XPR1: variants seen among roughly 807,000 people sequenced by gnomAD.
The protein encoded by XPR1 is xenotropic and polytropic retrovirus receptor 1.
XPR1 carries 28 observed loss-of-function variants against 87.5 expected under a neutral mutation model. The observed-to-expected ratio is 0.32, with a 90% CI of 0.24 to 0.44. The LOEUF (loss-of-function observed/expected upper bound fraction) is 0.44, where lower values mean the gene tolerates loss of function less well. Among genes scored for constraint, XPR1 ranks in the 20% least tolerant of loss-of-function variants. The pLI, the probability that XPR1 is intolerant of heterozygous loss-of-function variation, is 1.00. For synonymous variants in XPR1, 300 were observed against 306.1 expected (o/e 0.98, Z 0.21); for missense variants, 559 against 862.3 (o/e 0.65, Z 4.41).
chr1:180,735,953 C>T (rs1368682919), intron 2 of XPR1, among the ~76,000 whole-genome samples: 3 of 152,078 alleles, frequency 2.0e-5, no homozygotes, highest in Non-Finnish European at 4.4e-5. Context: ...TCATGAGTAT[C>T]TATGAATACT....
At chr1:180,683,285 G>A (rs917629568) in intron 2 of XPR1, among the ~76,000 whole-genome samples, 2 of 152,122 alleles carry the variant, frequency 1.3e-5, no homozygotes, top group African/African-American at 4.8e-5. Context: ...ACCCTACAAA[G>A]GACATGAACT....
chr1:180,665,276 G>A (rs1655919395), intron 1 of XPR1, among the ~76,000 whole-genome samples: 2 of 152,136 alleles, frequency 1.3e-5, no homozygotes, highest in Admixed American at 6.5e-5. Flanking sequence ...GGGGAAAACC[G>A]CCGCCGTGAT....
intron 2 of XPR1, among the ~76,000 whole-genome samples, chr1:180,691,827 C>G (rs1170840322): frequency 1.3e-5 from 2 of 152,134 alleles, no homozygotes; most frequent in African/African-American, 4.8e-5. Context: ...CATGTCACCC[C>G]TGTCCCTAGA....
rs1334113687 is a variant in XPR1 at position 180,656,456 on chromosome 1, T to TATAATATATA, written c.69+24186_69+24187insATAATATATA. ...ATATTTATATATAAATATTTATATATTTATATATAATATTTATACATTATA... is the reference window on the plus strand; with the variant it reads ...ATATTTATATATAAATATTTATATATATAATATATATTATATATAATATTTATACATTATA... On this transcript the variant is annotated intron_variant, in intron 1 of 14. Coordinates refer to ENST00000367590, the MANE Select transcript of XPR1 (RefSeq NM_004736.4). 2.1e-3 allele frequency among the ~76,000 whole-genome samples: 7 copies of TATAATATATA among 3,348 alleles called. 2 individuals are homozygous for TATAATATATA. The highest frequency in any genetic ancestry group is 0.013 in the Admixed American group (2 of 160). The allele number at this position is 3,348 out of a possible 152,430, so 2.2% of individuals were successfully genotyped here. A position where few individuals can be genotyped will look rare whatever the true frequency, so the allele number is the denominator to read the frequency against.
intron 2 of XPR1, among the ~76,000 whole-genome samples, chr1:180,770,176 A>G (rs1648455853): frequency 6.6e-6 from 1 of 152,098 alleles, no homozygotes; most frequent in South Asian, 2.1e-4. Flanking sequence ...TCTTCTGAAA[A>G]TTTCCCTTTC....
intron 3 of XPR1, among the ~76,000 whole-genome samples, chr1:180,791,127 G>A (rs1043589378): frequency 1.6e-4 from 25 of 152,256 alleles, no homozygotes; most frequent in Middle Eastern, 3.4e-3. Flanking sequence ...AAGTTTATTA[G>A]CTTTTTTCTT....
At chr1:180,808,689 A>G (rs1558018421) in intron 6 of XPR1, among the ~76,000 whole-genome samples, 1 of 152,202 alleles carries the variant, frequency 6.6e-6, no homozygotes. Flanking sequence ...TTAGCATGTG[A>G]TAAAATGCTC....
At chr1:180,779,588 C>T (rs141007469) in intron 2 of XPR1, among the ~76,000 whole-genome samples, 118 of 151,544 alleles carry the variant, frequency 7.8e-4, no homozygotes, top group African/African-American at 2.7e-3. Context: ...AACATCATCT[C>T]TAGTAGAAAT....
intron 9 of XPR1, among the ~76,000 whole-genome samples, chr1:180,831,785 C>G (rs1024211915): frequency 1.1e-4 from 17 of 152,160 alleles, no homozygotes; most frequent in Admixed American, 7.2e-4. Flanking sequence ...TTTTCTTTAT[C>G]CAGTCTATCA....
chr1:180,720,570 T>C (rs1333233210), intron 2 of XPR1, among the ~76,000 whole-genome samples: 1 of 152,210 alleles, frequency 6.6e-6, no homozygotes, highest in Non-Finnish European at 1.5e-5. Context: ...AATATTATAA[T>C]TTAATATATT....
At chr1:180,784,951 A>G (rs1441525712) in intron 2 of XPR1, among the ~76,000 whole-genome samples, 1 of 148,232 alleles carries the variant, frequency 6.7e-6, no homozygotes, top group Admixed American at 6.7e-5. Flanking sequence ...TATTTTGCAC[A>G]CAATTCTTGC....
intron 2 of XPR1, among the ~76,000 whole-genome samples, chr1:180,747,461 G>A (rs1647303074): frequency 6.6e-6 from 1 of 152,092 alleles, no homozygotes; most frequent in Non-Finnish European, 1.5e-5. Flanking sequence ...TTATTTGTTT[G>A]TAATTTGCCT....
At position 180,889,488 on chromosome 1, in the gene XPR1, T is replaced by C. The variant is rs1022824596; in HGVS notation, c.*5422T>C. 6.6e-6 allele frequency: 1 copy of C among 152,250 alleles called. No homozygotes were observed. The highest frequency in any genetic ancestry group is 1.5e-5 in the Non-Finnish European group (1 of 68,038). The allele number at this position is 152,250 out of a possible 1,614,324, so 9.4% of individuals were successfully genotyped here. On this transcript the variant is annotated 3_prime_UTR_variant, in exon 15 of 15. Coordinates refer to ENST00000367590, the MANE Select transcript of XPR1 (RefSeq NM_004736.4). ...CCATCTCACTATCCCTTGATCATTA[T>C]CTCTGAAGTCCCTACCTGCACTTCC...
At chr1:180,657,167 T>C (rs1311358949) in intron 1 of XPR1, among the ~76,000 whole-genome samples, 2 of 152,140 alleles carry the variant, frequency 1.3e-5, no homozygotes, top group African/African-American at 4.8e-5. Context: ...AGATCTTTGG[T>C]CCATTTCTTA....
At chr1:180,647,929 A>C (rs1296768406) in intron 1 of XPR1, among the ~76,000 whole-genome samples, 2 of 150,820 alleles carry the variant, frequency 1.3e-5, no homozygotes, top group Non-Finnish European at 3.0e-5. Context: ...AAAAAAAGGA[A>C]TATGGCAGTA....
intron 11 of XPR1, among the ~76,000 whole-genome samples, chr1:180,847,613 A>G (rs1249652784): frequency 6.6e-6 from 1 of 152,224 alleles, no homozygotes; most frequent in Non-Finnish European, 1.5e-5. Context: ...GTTAATTGGT[A>G]TTGATATCCT....
chr1:180,719,940 T>G (rs1658123056), intron 2 of XPR1, among the ~76,000 whole-genome samples: 1 of 152,222 alleles, frequency 6.6e-6, no homozygotes, highest in South Asian at 2.1e-4. Flanking sequence ...TGGATGGGTA[T>G]GTTAGGGCTC....
rs763808022 is a variant in XPR1, at chr1:180,803,569, C to T, written c.405C>T (p.Phe135=). 2.5e-6 allele frequency: 4 copies of T among 1,613,106 alleles called. No individual in the cohort carries two copies. Among genetic ancestry groups the T allele is most frequent in the Non-Finnish European group, 3.4e-6 (4 of 1,179,968 alleles). The change falls in exon 4 of 15, where the codon TTC becomes TTT. Residue 135 remains phenylalanine (F), a synonymous_variant. Transcript: ENST00000367590. The part of the protein sequence containing the change: ...HRNIKDLKLA[F]SEFYLSLILL... ...ATATTAAAGACCTTAAACTGGCCTT[C>T]AGTGAGTTCTACCTCAGTCTAATCC...
intron 11 of XPR1, among the ~76,000 whole-genome samples, chr1:180,858,114 G>A (rs1415444290): frequency 2.6e-5 from 4 of 152,168 alleles, no homozygotes; most frequent in Admixed American, 6.5e-5. Flanking sequence ...TACTCAGGAA[G>A]CTGAGGCAGG....
Sources: gnomAD v4.1 joint callset for allele counts (sites outside exome capture counted in the v4.1 genomes callset) on GRCh38, gnomAD v4.1.1 for gene constraint, MANE v1.5 for transcripts, NCBI Gene and HGNC (gene_info 2026-07-23, HGNC 2026-07-21) for gene names.